The following RORB variants were observed in gnomAD, a reference collection of about 807,000 sequenced individuals.
RORB encodes the protein RAR related orphan receptor B, also known as nuclear receptor ROR-beta.
In RORB, 6 loss-of-function variants were observed where a neutral mutation model predicts 59.1. The ratio of observed to expected loss-of-function variants is 0.10; its 90% CI spans 0.06 to 0.20. The LOEUF is 0.20. RORB is among the 10% of genes least tolerant of loss of function. The pLI is 1.00. For synonymous variants in RORB, 215 were observed against 204.5 expected, an observed-to-expected ratio of 1.05 and a Z score of -0.44; for missense variants, 320 against 560.5, an observed-to-expected ratio of 0.57 and a Z score of 4.33.
intron 4 of RORB, among the ~76,000 whole-genome samples, chr9:74,647,946 A>G (rs961338957): frequency 6.6e-6 from 1 of 152,216 alleles, no homozygotes; most frequent in African/African-American, 2.4e-5. Context: ...AATATTTTAT[A>G]CTGTTTAAAT....
intron 1 of RORB, among the ~76,000 whole-genome samples, chr9:74,575,219 CTT>C (rs920501082): frequency 2.2e-4 from 34 of 152,116 alleles, no homozygotes; most frequent in African/African-American, 7.7e-4. Flanking sequence ...CGGTATTACT[CTT>C]CTCATTTTAC....
intron 1 of RORB, among the ~76,000 whole-genome samples, chr9:74,568,709 A>G (rs1822505179): frequency 1.3e-5 from 2 of 151,634 alleles, no homozygotes; most frequent in South Asian, 2.1e-4. Context: ...CAAAAAAAAA[A>G]AAAAAGAAAA....
intron 1 of RORB, among the ~76,000 whole-genome samples, chr9:74,606,841 T>TA (rs1823157510): frequency 6.6e-6 from 1 of 152,168 alleles, no homozygotes; most frequent in African/African-American, 2.4e-5. Context: ...GACTGAGATC[T>TA]AAAAAATAGC....
At chr9:74,660,778 C>T (rs778800978) in intron 5 of RORB, 40 bp downstream of exon 5, 6 of 1,590,672 alleles carry the variant, frequency 3.8e-6, no homozygotes, top group South Asian at 2.3e-5. Flanking sequence ...CTGTGATTAC[C>T]CTATTGCTGT....
chr9:74,686,201 T>G lies in RORB; in HGVS notation c.*583T>G, dbSNP rs1398295235. 6.6e-6 allele frequency: 1 copy of G among 152,664 alleles called. No homozygotes were observed. Among genetic ancestry groups the G allele is most frequent in the Non-Finnish European group, 1.5e-5 (1 of 68,042 alleles). 9.5% of individuals were successfully genotyped at this position (152,664 alleles called of 1,614,324 possible). ...CAATGGAGGTTCAGTCAGGCTCTCT[T>G]CTATGATTTACCTTCTGTGTTATAT... On this transcript the variant is annotated 3_prime_UTR_variant, in exon 10 of 10. Coordinates refer to ENST00000376896, the MANE Select transcript of RORB (RefSeq NM_006914.4).
At chr9:74,620,439 C>A (rs1484206916) in intron 1 of RORB, among the ~76,000 whole-genome samples, 1 of 151,910 alleles carries the variant, frequency 6.6e-6, no homozygotes, top group Non-Finnish European at 1.5e-5. Context: ...CTCTTTTCTT[C>A]TTTATTAGTC....
chr9:74,635,865 TTG>T (rs928101391), intron 3 of RORB, among the ~76,000 whole-genome samples: 5 of 152,046 alleles, frequency 3.3e-5, no homozygotes, highest in Admixed American at 1.3e-4. Context: ...TAAAGGGATT[TTG>T]TGAGTGATTA....
chr9:74,679,402 C>G (rs2118567964), intron 9 of RORB, among the ~76,000 whole-genome samples: 1 of 152,256 alleles, frequency 6.6e-6, no homozygotes, highest in Non-Finnish European at 1.5e-5. Context: ...ACTGGCATCC[C>G]CAAAGCTTCC....
intron 1 of RORB, chr9:74,498,640 G>C (rs919711368): frequency 6.6e-6 from 1 of 152,536 alleles, no homozygotes; most frequent in African/African-American, 2.4e-5. Flanking sequence ...GCCCGAGCCC[G>C]CGCGGCCCAG....
At chr9:74,584,589 A>G (rs986683485) in intron 1 of RORB, among the ~76,000 whole-genome samples, 2 of 152,150 alleles carry the variant, frequency 1.3e-5, no homozygotes, top group African/African-American at 4.8e-5. Flanking sequence ...TTGCATCAGA[A>G]AGGTTATCTG....
At chr9:74,532,122 A>G (rs957873993) in intron 1 of RORB, among the ~76,000 whole-genome samples, 2 of 152,010 alleles carry the variant, frequency 1.3e-5, no homozygotes, top group Non-Finnish European at 2.9e-5. Flanking sequence ...ATCAGCTATG[A>G]TCTGTAGAGT....
intron 1 of RORB, among the ~76,000 whole-genome samples, chr9:74,507,224 A>G (rs144412295): frequency 1.7e-3 from 260 of 152,218 alleles, no homozygotes; most frequent in Non-Finnish European, 3.1e-3. Context: ...GAAGTGTTAC[A>G]TATAACTTAA....
At chr9:74,647,520 G>T (rs1354847509) in intron 4 of RORB, among the ~76,000 whole-genome samples, 2 of 152,142 alleles carry the variant, frequency 1.3e-5, no homozygotes, top group African/African-American at 4.8e-5. Flanking sequence ...CTTCTATTCA[G>T]TAACTTTCTC....
intron 1 of RORB, among the ~76,000 whole-genome samples, chr9:74,526,598 C>T (rs1047283655): frequency 1.3e-5 from 2 of 151,954 alleles, no homozygotes; most frequent in African/African-American, 4.8e-5. Context: ...CTGTCAGCTA[C>T]CAAAAACTCC....
chr9:74,660,083 A>G (rs1183672058), intron 4 of RORB, among the ~76,000 whole-genome samples: 2 of 152,148 alleles, frequency 1.3e-5, no homozygotes, highest in African/African-American at 2.4e-5. Flanking sequence ...TAGTATTATC[A>G]GAAAATTTAA....
Position 74,641,744 on chromosome 9 carries a change from TA to T in RORB, c.236-656del, listed in dbSNP as rs748036194. ...AGCAAGGCCCCGGCTCTACAAAAAT[TA>T]AAAAAAAAAAAAATAGCTGGACCTG... On this transcript the variant is annotated intron_variant, in intron 3 of 9. Coordinates refer to ENST00000376896, the MANE Select transcript of RORB (RefSeq NM_006914.4). Among the ~76,000 whole-genome samples the T allele has an allele frequency of 9.6e-3, 1,329 of 138,764 alleles. 7 individuals are homozygous for T. Among genetic ancestry groups the T allele is most frequent in the African/African-American group, 0.02 (768 of 37,972 alleles). 91.0% of individuals were successfully genotyped at this position (138,764 alleles called of 152,430 possible). A position where few individuals can be genotyped will look rare whatever the true frequency, so the allele number is the denominator to read the frequency against.
chr9:74,619,213 A>G (rs1438149366), intron 1 of RORB, among the ~76,000 whole-genome samples: 1 of 152,102 alleles, frequency 6.6e-6, no homozygotes, highest in African/African-American at 2.4e-5. Context: ...GCTATTTACT[A>G]CTTGAAACTT....
At chr9:74,607,441 G>T (rs1823165154) in intron 1 of RORB, among the ~76,000 whole-genome samples, 1 of 152,124 alleles carries the variant, frequency 6.6e-6, no homozygotes, top group Non-Finnish European at 1.5e-5. Flanking sequence ...TATGTTGGGG[G>T]ACTACAGATG....
intron 1 of RORB, among the ~76,000 whole-genome samples, chr9:74,556,155 T>A (rs1261558090): frequency 2.6e-5 from 4 of 152,200 alleles, no homozygotes; most frequent in Non-Finnish European, 5.9e-5. Context: ...TGTATAGCCA[T>A]CAATGTGAAG....
Sources: allele counts gnomAD v4.1 joint callset (sites outside exome capture counted in the v4.1 genomes callset), GRCh38; gene constraint gnomAD v4.1.1; transcripts MANE v1.5; gene names NCBI Gene and HGNC (gene_info 2026-07-23, HGNC 2026-07-21).